The following TASP1 variants were observed in gnomAD, a reference collection of about 807,000 sequenced individuals.
The protein encoded by TASP1 is taspase 1.
TASP1 carries 16 observed loss-of-function variants against 56.6 expected under a neutral mutation model. The observed-to-expected ratio is 0.28, with a 90% CI of 0.19 to 0.43. The LOEUF is 0.43. Among genes scored for constraint, TASP1 ranks in the 20% least tolerant of loss-of-function variants. TASP1 has a pLI of 1.00. For synonymous variants in TASP1, 179 were observed against 184.2 expected (o/e 0.97, Z 0.23); for missense variants, 393 against 511.6 (o/e 0.77, Z 2.24).
chr20:13,146,878 G>C, the TASP1 span, among the ~76,000 whole-genome samples: 4 of 152,162 alleles, frequency 2.6e-5, no homozygotes, highest in Non-Finnish European at 4.4e-5. Context: ...AATCTCCTAG[G>C]CACTGCCAAT....
At chr20:13,513,321 G>A (rs559268597) in intron 10 of TASP1, among the ~76,000 whole-genome samples, 55 of 151,536 alleles carry the variant, frequency 3.6e-4, no homozygotes, top group Middle Eastern at 3.4e-3. Context: ...ACAACCATAC[G>A]AGTAGTATAA....
intron 11 of TASP1, among the ~76,000 whole-genome samples, chr20:13,469,997 C>T (rs912061460): frequency 6.0e-5 from 9 of 151,146 alleles, no homozygotes; most frequent in Admixed American, 1.3e-4. Context: ...TTAGTAGAGA[C>T]GGGGTTTTCC....
intron 2 of TASP1, among the ~76,000 whole-genome samples, chr20:13,627,232 A>G (rs969621989): frequency 2.6e-5 from 4 of 151,716 alleles, no homozygotes; most frequent in Non-Finnish European, 4.4e-5. Flanking sequence ...AGTCTACTCT[A>G]GTGCTAAAAA....
the TASP1 span, among the ~76,000 whole-genome samples, chr20:13,276,206 C>T: frequency 6.6e-6 from 1 of 152,194 alleles, no homozygotes; most frequent in African/African-American, 2.4e-5. Context: ...CCCACTCCCA[C>T]CAGTTTCCAC....
the TASP1 span, among the ~76,000 whole-genome samples, chr20:13,380,377 C>A: frequency 2.6e-5 from 4 of 152,168 alleles, no homozygotes; most frequent in African/African-American, 7.2e-5. Flanking sequence ...CACTCCAGAC[C>A]CTGTTTGCCT....
At chr20:13,272,263 G>A in the TASP1 span, among the ~76,000 whole-genome samples, 14 of 152,130 alleles carry the variant, frequency 9.2e-5, no homozygotes, top group East Asian at 5.8e-4. Flanking sequence ...TGCATGATAC[G>A]GTTTTAGATC....
the TASP1 span, among the ~76,000 whole-genome samples, chr20:13,186,189 G>T: frequency 2.6e-5 from 4 of 152,196 alleles, no homozygotes; most frequent in African/African-American, 9.7e-5. Flanking sequence ...ATGCCACAAG[G>T]TCTCACAATG....
intron 13 of TASP1, among the ~76,000 whole-genome samples, chr20:13,395,358 CACGTGCTTTTG>C (rs2041484703): frequency 6.6e-6 from 1 of 152,178 alleles, no homozygotes; most frequent in African/African-American, 2.4e-5. Flanking sequence ...TTTATGTTAC[CACGTGCTTTTG>C]AAGAAACAGA....
At chr20:13,450,958 T>C (rs529408205) in intron 11 of TASP1, among the ~76,000 whole-genome samples, 13 of 152,252 alleles carry the variant, frequency 8.5e-5, no homozygotes, top group African/African-American at 3.1e-4. Flanking sequence ...TTATAAAATG[T>C]ATTCCTTAAA....
chr20:13,551,201 T>C (rs889548541), intron 8 of TASP1, among the ~76,000 whole-genome samples: 7 of 152,102 alleles, frequency 4.6e-5, no homozygotes, highest in Admixed American at 2.0e-4. Flanking sequence ...ACCAAAATCA[T>C]TGCAAAATTT....
the TASP1 span, among the ~76,000 whole-genome samples, chr20:13,249,577 G>A: frequency 6.6e-6 from 1 of 152,192 alleles, no homozygotes; most frequent in Admixed American, 6.5e-5. Flanking sequence ...ATTTTGGAAG[G>A]AAACCCCGCC....
chr20:13,375,907 C>A, the TASP1 span, among the ~76,000 whole-genome samples: 2 of 151,902 alleles, frequency 1.3e-5, no homozygotes, highest in African/African-American at 4.8e-5. Flanking sequence ...ATATCCTTCA[C>A]CCACTTTTTG....
chr20:13,539,888 T>G (rs1039288120), intron 8 of TASP1, among the ~76,000 whole-genome samples: 1 of 152,234 alleles, frequency 6.6e-6, no homozygotes, highest in Non-Finnish European at 1.5e-5. Flanking sequence ...TGGAAGCTTT[T>G]CTCTTTAAAA....
At chr20:13,271,675 T>C in the TASP1 span, among the ~76,000 whole-genome samples, 1 of 152,236 alleles carries the variant, frequency 6.6e-6, no homozygotes, top group Admixed American at 6.5e-5. Context: ...ATGTTGTTTG[T>C]ACCTTTCTCT....
the TASP1 span, among the ~76,000 whole-genome samples, chr20:13,305,428 C>T: frequency 6.6e-6 from 1 of 152,148 alleles, no homozygotes; most frequent in African/African-American, 2.4e-5. Context: ...TCCATCCCGA[C>T]ACACAAAGAG....
At chr20:13,132,979 C>G in the TASP1 span, 1 of 153,148 alleles carries the variant, frequency 6.5e-6, no homozygotes, top group Admixed American at 6.5e-5. Context: ...CCTGCTCCCT[C>G]TAAAGCCACT....
At chr20:13,637,634 A>G (rs1365662929) in intron 1 of TASP1, among the ~76,000 whole-genome samples, 1 of 152,216 alleles carries the variant, frequency 6.6e-6, no homozygotes, top group Non-Finnish European at 1.5e-5. Context: ...CAGACAAGTG[A>G]GGCCATATAT....
At chr20:13,306,564 C>CAAAAAAAAAAAAAAAAAAAAAGAA in the TASP1 span, among the ~76,000 whole-genome samples, 1 of 63,914 alleles carries the variant, frequency 1.6e-5, no homozygotes, top group Non-Finnish European at 2.6e-5. Context: ...GGAGAAAGGA[C>CAAAAAAAAAAAAAAAAAAAAAGAA]AAAAAAAAAA....
At chr20:13,225,098 C>T in the TASP1 span, among the ~76,000 whole-genome samples, 2 of 151,880 alleles carry the variant, frequency 1.3e-5, no homozygotes, top group African/African-American at 2.4e-5. Flanking sequence ...CATGATCCGC[C>T]CGCCTTGGCC....
Sources: gnomAD v4.1 joint callset for allele counts (sites outside exome capture counted in the v4.1 genomes callset) on GRCh38, gnomAD v4.1.1 for gene constraint, MANE v1.5 for transcripts, NCBI Gene and HGNC (gene_info 2026-07-23, HGNC 2026-07-21) for gene names.